Variants in ZNF354A observed in about 807,000 individuals in gnomAD.
ZNF354A encodes the protein zinc finger protein 354A.
In ZNF354A, 25 loss-of-function variants were observed where a neutral mutation model predicts 53.3. The observed-to-expected ratio is 0.47, with a 90% CI of 0.34 to 0.66. The LOEUF is 0.66. ZNF354A is among the 30% of genes least tolerant of loss of function. ZNF354A has a pLI of 0.01. For synonymous variants in ZNF354A, 228 were observed against 249.0 expected (o/e 0.92, Z 0.79); for missense variants, 586 against 716.8 (o/e 0.82, Z 2.08).
Position 178,712,006 on chromosome 5 carries a change from A to T in ZNF354A, c.*54T>A. 6.6e-7 allele frequency: 1 copy of T among 1,518,152 alleles called. No individual in the cohort carries two copies. Among genetic ancestry groups the T allele is most frequent in the East Asian group, 2.3e-5 (1 of 44,070 alleles). 94.0% of individuals were successfully genotyped at this position (1,518,152 alleles called of 1,614,324 possible). A position where few individuals can be genotyped will look rare whatever the true frequency, so the allele number is the denominator to read the frequency against. On this transcript the variant is annotated 3_prime_UTR_variant, in exon 5 of 5. Coordinates refer to ENST00000335815, the MANE Select transcript of ZNF354A (RefSeq NM_005649.3). ...TACATTTATTACATCTCTCTCAAGG[A>T]TGTATTCTTCGATGAGCTTTGGTTT...
Position 178,711,842 on chromosome 5 carries a change from A to G in ZNF354A, c.*218T>C. ...GGCTAAAGTCAATGTCTTCAATTGT[A>G]AATTCTTCATCTCAGGTTATTTTTT... On this transcript the variant is annotated 3_prime_UTR_variant, in exon 5 of 5. Transcript: ENST00000335815. 4.1e-6 allele frequency: 2 copies of G among 491,910 alleles called. No individual in the cohort carries two copies. The highest frequency in any genetic ancestry group is 3.3e-6 in the Non-Finnish European group (1 of 299,056). The allele number at this position is 491,910 out of a possible 1,614,324, so 30.5% of individuals were successfully genotyped here. A position where few individuals can be genotyped will look rare whatever the true frequency, so the allele number is the denominator to read the frequency against.
At chr5:178,718,169 C>A (rs902442205) in intron 4 of ZNF354A, among the ~76,000 whole-genome samples, 20 of 152,162 alleles carry the variant, frequency 1.3e-4, no homozygotes, top group African/African-American at 4.8e-4. Context: ...TTCACAGAAG[C>A]AGACGTAAGT....
chr5:178,723,408 G>C (rs1444032580), intron 4 of ZNF354A, among the ~76,000 whole-genome samples: 2 of 152,202 alleles, frequency 1.3e-5, no homozygotes, highest in Non-Finnish European at 2.9e-5. Context: ...CCTGTGCCTG[G>C]CTCTCAAGCA....
intron 2 of ZNF354A, among the ~76,000 whole-genome samples, chr5:178,728,665 C>T (rs888256305): frequency 2.7e-5 from 4 of 150,424 alleles, no homozygotes; most frequent in African/African-American, 4.9e-5. Flanking sequence ...GGCGTGATGG[C>T]GGGAGCCTGT....
At position 178,712,660 on chromosome 5, in the gene ZNF354A, T is replaced by C; in HGVS notation, c.1218A>G (p.Gly406=). Residue 406 remains glycine, a synonymous_variant, in exon 5 of 5, where the codon GGA becomes GGG. Transcript: ENST00000335815. ...ATTCATTGCATCTATAGGGCTTTTC[T>C]CCGGTGTGAATTCTTTCATGTTGAA... ...SLIQHERIHT[G]EKPYRCNECG... 6.2e-7 allele frequency: 1 copy of C among 1,614,108 alleles called. No homozygotes were observed.
intron 4 of ZNF354A, among the ~76,000 whole-genome samples, chr5:178,722,988 T>C (rs1367057820): frequency 4.6e-5 from 7 of 152,056 alleles, no homozygotes; most frequent in African/African-American, 1.7e-4. Flanking sequence ...GCAGAGGCCC[T>C]GAGTGGGGGC....
chr5:178,723,017 GAC>G (rs1277817008), intron 4 of ZNF354A, among the ~76,000 whole-genome samples: 1 of 152,222 alleles, frequency 6.6e-6, no homozygotes, highest in East Asian at 1.9e-4. Context: ...CGCCCCCCAT[GAC>G]ACACTGCAGG....
In ZNF354A at chr5:178,712,779, A is replaced by G; in HGVS notation, c.1099T>C (p.Ser367Pro). 1 of 1,614,130 alleles carries G rather than the reference A, an allele frequency of 6.2e-7. No homozygotes were observed. Among genetic ancestry groups the G allele is most frequent in the Non-Finnish European group, 8.5e-7 (1 of 1,180,012 alleles). Residue 367 changes from serine to proline, a missense_variant, in exon 5 of 5, where the codon TCA (serine) becomes CCA (proline). This residue lies in a region of ZNF354A where 573 missense variants were observed against 680.1 expected (regional missense o/e 0.84). Transcript: ENST00000335815. ...NECGNTFKSS[S>P]SLRYHQRIHT... The stretch of plus-strand genomic sequence containing the variant: ...ATTCTCTGATGATAACGAAGGGATG[A>G]GCTAGACTTAAAGGTGTTGCCACAT...
intron 4 of ZNF354A, among the ~76,000 whole-genome samples, chr5:178,718,836 G>A (rs1324480562): frequency 6.6e-6 from 1 of 152,080 alleles, no homozygotes; most frequent in Non-Finnish European, 1.5e-5. Context: ...GGGCTCAAGC[G>A]ATTCTCCCAC....
Position 178,713,116 on chromosome 5 carries a change from A to G in ZNF354A, c.762T>C (p.Ser254=). 2 of 1,613,952 alleles carry G rather than the reference A, an allele frequency of 1.2e-6. No individual in the cohort carries two copies. The highest frequency in any genetic ancestry group is 8.5e-7 in the Non-Finnish European group (1 of 1,179,892). ...TTATTTGATGTTGAATAAGAGCTGAACTTTGGCTAAAGGCTTTTGAACATT... is the reference window on the plus strand; with the variant it reads ...TTATTTGATGTTGAATAAGAGCTGAGCTTTGGCTAAAGGCTTTTGAACATT... The part of the protein sequence containing the change: ...CKECSKAFSQ[S]SALIQHQITH... Residue 254 remains serine, a synonymous_variant, in exon 5 of 5, where the codon AGT becomes AGC. Transcript: ENST00000335815.
In ZNF354A at chr5:178,713,129, G is replaced by T; in HGVS notation, c.749C>A (p.Ala250Asp). The T allele has an allele frequency of 6.2e-7, 1 of 1,614,066 alleles. No homozygotes were observed. The highest frequency in any genetic ancestry group is 1.1e-5 in the South Asian group (1 of 91,082). The change falls in exon 5 of 5, where the codon GCC (alanine) becomes GAC (aspartate). Residue 250 changes from alanine to aspartate, a missense_variant. Ala to Asp is a moderately radical substitution (Grantham distance 126). Coordinates refer to ENST00000335815, the MANE Select transcript of ZNF354A (RefSeq NM_005649.3). ...KLFKCKECSK[A>D]FSQSSALIQH... ...AATAAGAGCTGAACTTTGGCTAAAG[G>T]CTTTTGAACATTCTTTACACTTAAA... is the stretch of plus-strand genomic sequence containing the variant.
chr5:178,725,517 T>G lies in ZNF354A; in HGVS notation c.161-46A>C, dbSNP rs760850685. On this transcript the variant is annotated intron_variant, in intron 3 of 4. Transcript: ENST00000335815. ...ACAACCAAACAAATCAGACTTGGTT[T>G]TGTATTGATACAGTTATCCCAAATT... 1.9e-6 allele frequency: 3 copies of G among 1,577,664 alleles called. No homozygotes were observed. In the African/African-American group the frequency reaches 4.1e-5, roughly 21 times the overall value.
intron 4 of ZNF354A, among the ~76,000 whole-genome samples, chr5:178,714,744 T>G (rs1306440846): frequency 6.6e-6 from 1 of 152,008 alleles, no homozygotes; most frequent in African/African-American, 2.4e-5. Flanking sequence ...GTGTTATACA[T>G]ACATACACAT....
chr5:178,712,284 C>T lies in ZNF354A; in HGVS notation c.1594G>A (p.Gly532Ser), dbSNP rs1483348835. 1.2e-6 allele frequency: 2 copies of T among 1,613,836 alleles called. No individual in the cohort carries two copies. The highest frequency in any genetic ancestry group is 2.7e-5 in the African/African-American group (2 of 74,864). The change falls in exon 5 of 5, where the codon GGC becomes AGC. Residue 532 changes from glycine to serine, a missense_variant. This residue lies in a region of ZNF354A where 573 missense variants were observed against 680.1 expected (regional missense o/e 0.84). Coordinates refer to ENST00000335815, the MANE Select transcript of ZNF354A (RefSeq NM_005649.3). ...YRCEECGISF[G>S]QSSALIQHRR... ...TGCTGAATAAGAGCTGAACTTTGGC[C>T]AAAAGATATCCCACATTCCTCACAT... is the stretch of plus-strand genomic sequence containing the variant.
Position 178,718,069 on chromosome 5 carries a change from G to T in ZNF354A, c.257-4448C>A, listed in dbSNP as rs142144772. 3.8e-3 allele frequency among the ~76,000 whole-genome samples: 578 copies of T among 152,276 alleles called. 8 individuals are homozygous for T. Among genetic ancestry groups the T allele is most frequent in the African/African-American group, 0.014 (563 of 41,546 alleles). The stretch of plus-strand genomic sequence containing the variant: ...CATGGGGAGCTTTTATTTTTTAATG[G>T]ATATGATTACGACTCGGAAGTCCAT... On this transcript the variant is annotated intron_variant, in intron 4 of 4. Coordinates refer to ENST00000335815, the MANE Select transcript of ZNF354A (RefSeq NM_005649.3).
chr5:178,727,163 C>T (rs769966463), intron 2 of ZNF354A, 38 bp from the exon 3 acceptor site: 88 of 1,584,306 alleles, frequency 5.6e-5, no homozygotes, highest in Non-Finnish European at 7.4e-5. Context: ...CCAGGACCAC[C>T]CTCACAGAGC....
At chr5:178,726,932 T>C in intron 3 of ZNF354A, 67 bp downstream of exon 3, 1 of 1,539,920 alleles carries the variant, frequency 6.5e-7, no homozygotes, top group Non-Finnish European at 8.7e-7. Flanking sequence ...ACCGCTTTTA[T>C]TCAGGGAAGG....
Position 178,712,704 on chromosome 5 carries a change from T to G in ZNF354A, c.1174A>C (p.Ser392Arg). 6.2e-7 allele frequency: 1 copy of G among 1,613,758 alleles called. No homozygotes were observed. The highest frequency in any genetic ancestry group is 8.5e-7 in the Non-Finnish European group (1 of 1,179,658). ...FKCSECGRAF[S>R]QSASLIQHER... ...TGTTGAATAAGAGAGGCACTCTGGC[T>G]GAAGGCTCTCCCACATTCACTACAT... The change falls in exon 5 of 5, where the codon AGC (serine) becomes CGC (arginine). Residue 392 changes from serine to arginine, a missense_variant. By Grantham distance (110) the Ser-to-Arg change is moderately radical. Around this residue, in one of 2 missense-constraint regions of ZNF354A, gnomAD observed 573 missense variants for 680.1 expected, o/e 0.84. Transcript: ENST00000335815.
At chr5:178,725,844 A>G (rs1765894126) in intron 3 of ZNF354A, among the ~76,000 whole-genome samples, 1 of 152,164 alleles carries the variant, frequency 6.6e-6, no homozygotes, top group Non-Finnish European at 1.5e-5. Context: ...AGAAAACACT[A>G]TCTGACTCCG....
Sources: gnomAD v4.1 joint callset for allele counts (sites outside exome capture counted in the v4.1 genomes callset) on GRCh38, gnomAD v4.1.1 for gene constraint, gnomAD v4.1.1 regional missense constraint, MANE v1.5 for transcripts, NCBI Gene and HGNC (gene_info 2026-07-23, HGNC 2026-07-21) for gene names.